MSX2: variants seen among roughly 807,000 people sequenced by gnomAD.
MSX2 encodes the protein homeobox protein MSX-2.
Under a neutral mutation model 18.4 loss-of-function variants are expected in MSX2, and 10 were observed. The observed-to-expected ratio is 0.54, with a 90% CI of 0.34 to 0.92. The LOEUF is 0.92. Among genes scored for constraint, MSX2 ranks in the 40% least tolerant of loss-of-function variants. The pLI is 0.02. For missense variants in MSX2, 339 were observed against 364.0 expected (o/e 0.93, Z 0.56); for synonymous variants, 170 against 165.6 (o/e 1.03, Z -0.20).
At chr5:174,725,063 A>T in intron 1 of MSX2, 25 bp downstream of exon 1, 1 of 1,607,826 alleles carries the variant, frequency 6.2e-7, no homozygotes, top group Non-Finnish European at 8.5e-7. Context: ...GGGCAGGAGT[A>T]GGAGGTAGCG....
intron 1 of MSX2, 72 bp from the exon 2 acceptor site, chr5:174,729,087 G>C: frequency 6.8e-7 from 1 of 1,474,966 alleles, no homozygotes; most frequent in Admixed American, 1.9e-5. Context: ...GATGACGGGG[G>C]AGATGGGTTT....
At position 174,724,818 on chromosome 5, in the gene MSX2, G is replaced by T; in HGVS notation, c.159G>T (p.Met53Ile). ...TGCCCTTCAGCGTGGAGGCGCTCAT[G>T]TCCGACAAGAAGCCGCCCAAGGAGG... The part of the protein sequence containing the change: ...SSLPFSVEAL[M>I]SDKKPPKEAS... Residue 53 changes from methionine to isoleucine, a missense_variant, in exon 1 of 2, where the codon ATG (methionine) becomes ATT (isoleucine). Met to Ile is a conservative substitution (Grantham distance 10). Coordinates refer to ENST00000239243, the MANE Select transcript of MSX2 (RefSeq NM_002449.5). 6.4e-7 allele frequency: 1 copy of T among 1,551,734 alleles called. No individual in the cohort carries two copies. The highest frequency in any genetic ancestry group is 8.7e-7 in the Non-Finnish European group (1 of 1,148,028).
chr5:174,726,532 C>T (rs1347177558), intron 1 of MSX2, among the ~76,000 whole-genome samples: 1 of 137,412 alleles, frequency 7.3e-6, no homozygotes, highest in Non-Finnish European at 1.5e-5. Flanking sequence ...GGCCTCTTAA[C>T]AGATGAGGAC....
chr5:174,725,728 G>A (rs897699866), intron 1 of MSX2, among the ~76,000 whole-genome samples: 2 of 152,178 alleles, frequency 1.3e-5, no homozygotes, highest in African/African-American at 4.8e-5. Flanking sequence ...GGGGCCAGAA[G>A]CGCACGGGCT....
At chr5:174,726,828 G>C (rs2113495135) in intron 1 of MSX2, among the ~76,000 whole-genome samples, 1 of 152,244 alleles carries the variant, frequency 6.6e-6, no homozygotes, top group South Asian at 2.1e-4. Context: ...GCCTTAAATG[G>C]AGTAGTGTCC....
chr5:174,727,071 A>C (rs376062671), intron 1 of MSX2, among the ~76,000 whole-genome samples: 39 of 40,638 alleles, frequency 9.6e-4, no homozygotes, highest in Admixed American at 7.1e-3. Flanking sequence ...ACAAAAAAAC[A>C]AAAAAAAAAC....
chr5:174,725,918 C>T (rs147309079), intron 1 of MSX2, among the ~76,000 whole-genome samples: 15 of 152,300 alleles, frequency 9.8e-5, no homozygotes, highest in Non-Finnish European at 2.2e-4. Flanking sequence ...ACGGCCTTTG[C>T]TTGTCCCAGG....
intron 1 of MSX2, 46 bp downstream of exon 1, chr5:174,725,084 G>A (rs1438653026): frequency 2.5e-6 from 4 of 1,601,600 alleles, no homozygotes; most frequent in Admixed American, 3.5e-5. Context: ...CGGGGTACTG[G>A]AGGGAGCGGG....
At position 174,729,453 on chromosome 5, in the gene MSX2, C is replaced by G; in HGVS notation, c.674C>G (p.Pro225Arg). The change falls in exon 2 of 2, where the codon CCC becomes CGC. Residue 225 changes from proline (P) to arginine (R), a missense_variant. By Grantham distance (103) the Pro-to-Arg change is moderately radical. Transcript: ENST00000239243. Reference protein sequence around the residue: ...MLPSSFSLPFPISSPLQAASI... With the variant: ...MLPSSFSLPFRISSPLQAASI... ...CCCTCCAGCTTCAGTCTCCCTTTCC[C>G]CATCAGCTCGCCCCTGCAGGCAGCG... is the stretch of plus-strand genomic sequence containing the variant. 2 of 1,614,044 alleles carry G rather than the reference C, an allele frequency of 1.2e-6. No homozygotes were observed. The highest frequency in any genetic ancestry group is 1.7e-6 in the Non-Finnish European group (2 of 1,179,898).
In MSX2 at chr5:174,729,797, C is replaced by A; in HGVS notation, c.*214C>A. On this transcript the variant is annotated 3_prime_UTR_variant, in exon 2 of 2. Coordinates refer to ENST00000239243, the MANE Select transcript of MSX2 (RefSeq NM_002449.5). ...TTTTCTTGGTGTAATCTTCCAGATG[C>A]CCCCTTTTCCTTTCACAAAGATTGG... is the stretch of plus-strand genomic sequence containing the variant. 1 of 464,062 alleles carries A rather than the reference C, an allele frequency of 2.2e-6. No homozygotes were observed. 28.7% of individuals were successfully genotyped at this position (464,062 alleles called of 1,614,324 possible). A position where few individuals can be genotyped will look rare whatever the true frequency, so the allele number is the denominator to read the frequency against.
intron 1 of MSX2, among the ~76,000 whole-genome samples, chr5:174,725,742 C>G (rs539675447): frequency 6.6e-6 from 1 of 152,278 alleles, no homozygotes; most frequent in East Asian, 1.9e-4. Flanking sequence ...ACGGGCTCTT[C>G]TTGGCTCACA....
At position 174,724,594 on chromosome 5, in the gene MSX2, T is replaced by C; in HGVS notation, c.-66T>C. The C allele has an allele frequency of 6.5e-7, 1 of 1,542,578 alleles. No individual in the cohort carries two copies. The highest frequency in any genetic ancestry group is 8.8e-7 in the Non-Finnish European group (1 of 1,142,714). On this transcript the variant is annotated 5_prime_UTR_variant, in exon 1 of 2. Coordinates refer to ENST00000239243, the MANE Select transcript of MSX2 (RefSeq NM_002449.5). ...CCCTCCCGTCTCCGCAGCAAAAAAG[T>C]TTGAGTCGCCGCTGCCGGGTTGCCA...
At chr5:174,726,961 C>T (rs1005816421) in intron 1 of MSX2, among the ~76,000 whole-genome samples, 13 of 152,054 alleles carry the variant, frequency 8.5e-5, no homozygotes, top group Admixed American at 5.2e-4. Context: ...ACCTCGGGCC[C>T]AGGCTGTGAC....
chr5:174,729,628 G>A lies in MSX2; in HGVS notation c.*45G>A. ...CTCCATGATGGATGCTTGTTTCAAA[G>A]GGTTTCCTCTCCCTCTCCACGAAGG... On this transcript the variant is annotated 3_prime_UTR_variant, in exon 2 of 2. Coordinates refer to ENST00000239243, the MANE Select transcript of MSX2 (RefSeq NM_002449.5). 6.3e-7 allele frequency: 1 copy of A among 1,586,730 alleles called. No homozygotes were observed. The highest frequency in any genetic ancestry group is 8.6e-7 in the Non-Finnish European group (1 of 1,166,608).
chr5:174,727,531 C>T (rs1214669298), intron 1 of MSX2, among the ~76,000 whole-genome samples: 1 of 152,110 alleles, frequency 6.6e-6, no homozygotes, highest in East Asian at 1.9e-4. Flanking sequence ...CCTGAGGGCC[C>T]GGCCTAGTTT....
Position 174,729,142 on chromosome 5 carries a change from C to G in MSX2, c.380-17C>G. ...GTAACTTTCTTTTGCTAATCCGCTC[C>G]TCTCTCTGTTCTCTAGGACATATGA... On this transcript the variant is annotated splice_polypyrimidine_tract_variant and intron_variant, in intron 1 of 1. Coordinates refer to ENST00000239243, the MANE Select transcript of MSX2 (RefSeq NM_002449.5). 1 of 1,612,548 alleles carries G rather than the reference C, an allele frequency of 6.2e-7. No individual in the cohort carries two copies. The highest frequency in any genetic ancestry group is 1.1e-5 in the South Asian group (1 of 91,010).
rs367636705 is a variant in MSX2 at position 174,724,682 on chromosome 5, A to G, written c.23A>G (p.Asn8Ser). The G allele has an allele frequency of 5.0e-5, 80 of 1,587,650 alleles. No homozygotes were observed. In the African/African-American group the frequency reaches 1.0e-3, roughly 20 times the overall value. MASPSKG[N>S]DLFSPDEEGP... ...GTCATGGCTTCTCCGTCCAAAGGCA[A>G]TGACTTGTTTTCGCCCGACGAGGAG... Residue 8 changes from asparagine to serine, a missense_variant, in exon 1 of 2, where the codon AAT becomes AGT. Around this residue, in one of 2 missense-constraint regions of MSX2, gnomAD observed 211 missense variants for 185.4 expected, o/e 1.14. Coordinates refer to ENST00000239243, the MANE Select transcript of MSX2 (RefSeq NM_002449.5).
At position 174,724,650 on chromosome 5, in the gene MSX2, C is replaced by CAGAG; in HGVS notation, c.-8_-5dup. On this transcript the variant is annotated 5_prime_UTR_variant, in exon 1 of 2. Transcript: ENST00000239243. ...GTCGCGCGTCGGGAGCTACGTAGGG[C>CAGAG]AGAGAAGTCATGGCTTCTCCGTCCA... 6.3e-7 allele frequency: 1 copy of CAGAG among 1,583,854 alleles called. No individual in the cohort carries two copies. Among genetic ancestry groups the CAGAG allele is most frequent in the Non-Finnish European group, 8.6e-7 (1 of 1,166,122 alleles).
In MSX2 at chr5:174,730,203, T is replaced by C. The variant is rs1394938178; in HGVS notation, c.*620T>C. 6.6e-6 allele frequency: 1 copy of C among 152,134 alleles called. No individual in the cohort carries two copies. The highest frequency in any genetic ancestry group is 1.9e-4 in the East Asian group (1 of 5,188). 9.4% of individuals were successfully genotyped at this position (152,134 alleles called of 1,614,324 possible). On this transcript the variant is annotated 3_prime_UTR_variant, in exon 2 of 2. Transcript: ENST00000239243. The stretch of plus-strand genomic sequence containing the variant: ...AAACCTCTTTATATACTACAGTTGT[T>C]CCTATCTCTCCCCCGCCCCCCACCG...
Sources: allele counts gnomAD v4.1 joint callset (sites outside exome capture counted in the v4.1 genomes callset), GRCh38; gene constraint gnomAD v4.1.1; regional missense constraint gnomAD v4.1.1; transcripts MANE v1.5; gene names NCBI Gene and HGNC (gene_info 2026-07-23, HGNC 2026-07-21).